ADGRB3: variants seen among roughly 807,000 people sequenced by gnomAD.
ADGRB3 encodes the protein adhesion G protein-coupled receptor B3.
A neutral mutation model predicts 193.4 loss-of-function variants in ADGRB3; 37 were observed. The ratio of observed to expected loss-of-function variants is 0.19; its 90% confidence interval spans 0.15 to 0.25. The LOEUF (loss-of-function observed/expected upper bound fraction) is 0.25, where lower values mean the gene tolerates loss of function less well. Among genes scored for constraint, ADGRB3 ranks in the 10% least tolerant of loss-of-function variants. ADGRB3 has a pLI of 1.00. For missense variants in ADGRB3, 1,637 were observed against 1,852.9 expected (o/e 0.88, Z 2.14); for synonymous variants, 690 against 644.2 (o/e 1.07, Z -1.08).
intron 20 of ADGRB3, among the ~76,000 whole-genome samples, chr6:69,268,084 C>T (rs2127277434): frequency 6.6e-6 from 1 of 152,198 alleles, no homozygotes; most frequent in Non-Finnish European, 1.5e-5. Context: ...TAGAAAAATT[C>T]AGCATGTATT....
At chr6:69,114,988 CT>C (rs994983249) in intron 17 of ADGRB3, among the ~76,000 whole-genome samples, 4 of 152,306 alleles carry the variant, frequency 2.6e-5, no homozygotes, top group African/African-American at 9.6e-5. Context: ...CGCTTTTACA[CT>C]GTTGGTGGGA....
intron 17 of ADGRB3, among the ~76,000 whole-genome samples, chr6:69,119,237 C>T (rs2150328881): frequency 6.6e-6 from 1 of 152,212 alleles, no homozygotes; most frequent in South Asian, 2.1e-4. Context: ...AGTTCATTAG[C>T]ATGGAATTTA....
chr6:69,330,383 C>G, intron 22 of ADGRB3, 123 bp from the exon 23 acceptor site: 2 of 543,380 alleles, frequency 3.7e-6, no homozygotes, highest in Non-Finnish European at 6.1e-6. Context: ...TTTTTTATTA[C>G]AAATGTTTAA....
intron 8 of ADGRB3, among the ~76,000 whole-genome samples, chr6:68,966,018 T>A (rs1258159516): frequency 6.6e-6 from 1 of 152,178 alleles, no homozygotes; most frequent in Non-Finnish European, 1.5e-5. Flanking sequence ...TGTGCCTAGA[T>A]ATGTCAAACT....
chr6:69,228,391 G>C (rs1423312321), intron 17 of ADGRB3, among the ~76,000 whole-genome samples: 2 of 152,176 alleles, frequency 1.3e-5, no homozygotes, highest in African/African-American at 4.8e-5. Flanking sequence ...GGCATGTAGA[G>C]TGTTAATTTT....
At chr6:69,303,163 G>A (rs917478981) in intron 20 of ADGRB3, among the ~76,000 whole-genome samples, 4 of 151,834 alleles carry the variant, frequency 2.6e-5, no homozygotes, top group South Asian at 2.1e-4. Flanking sequence ...AGAAAGTTTC[G>A]ATTATTCCAC....
intron 8 of ADGRB3, among the ~76,000 whole-genome samples, chr6:68,957,548 C>CACTATAT (rs1768108697): frequency 6.6e-6 from 1 of 152,144 alleles, no homozygotes; most frequent in Non-Finnish European, 1.5e-5. Context: ...TGCCAACGTG[C>CACTATAT]TGAACCTAGA....
In ADGRB3 at chr6:69,040,307, C is replaced by CCCTTTCTT. The variant is rs1554251201; in HGVS notation, c.2108-7878_2108-7877insCCTTTCTT. ...TTTTTGCCTTCCTTCCTTTCTCTGT[C>CCCTTTCTT]TCTTTCTTTCTTTCTTTCTTTCTTT... is the stretch of plus-strand genomic sequence containing the variant. On this transcript the variant is annotated intron_variant, in intron 13 of 31. Transcript: ENST00000370598. 2.1e-5 allele frequency among the ~76,000 whole-genome samples: 2 copies of CCCTTTCTT among 94,758 alleles called. 1 individual carries two copies. Among genetic ancestry groups the CCCTTTCTT allele is most frequent in the South Asian group, 7.8e-4 (2 of 2,576 alleles). The allele number at this position is 94,758 out of a possible 152,430, so 62.2% of individuals were successfully genotyped here.
chr6:68,834,995 C>T (rs985643463), intron 3 of ADGRB3, among the ~76,000 whole-genome samples: 10 of 151,824 alleles, frequency 6.6e-5, no homozygotes, highest in African/African-American at 2.4e-4. Flanking sequence ...CATTTAAAAA[C>T]TATAGAACGT....
chr6:69,280,598 TAATG>T (rs1382060684), intron 20 of ADGRB3, among the ~76,000 whole-genome samples: 1 of 152,198 alleles, frequency 6.6e-6, no homozygotes, highest in Non-Finnish European at 1.5e-5. Context: ...TTAAATGAGT[TAATG>T]TATGTGAAGC....
intron 17 of ADGRB3, among the ~76,000 whole-genome samples, chr6:69,154,058 A>G (rs1774761642): frequency 1.3e-5 from 2 of 152,164 alleles, no homozygotes; most frequent in Non-Finnish European, 2.9e-5. Flanking sequence ...AATGAGTTGA[A>G]ATGATGCAAT....
intron 17 of ADGRB3, among the ~76,000 whole-genome samples, chr6:69,212,103 G>A (rs981783365): frequency 5.3e-5 from 8 of 152,088 alleles, no homozygotes; most frequent in Admixed American, 4.6e-4. Context: ...TTCAGTATTA[G>A]CATAATGAAT....
At chr6:69,331,842 A>G (rs1768737439) in intron 23 of ADGRB3, 1 of 984,854 alleles carries the variant, frequency 1.0e-6, no homozygotes. Flanking sequence ...CATAGAATAC[A>G]CTTTTTCTCT....
intron 17 of ADGRB3, among the ~76,000 whole-genome samples, chr6:69,178,181 T>C (rs1165495076): frequency 6.6e-6 from 1 of 152,236 alleles, no homozygotes; most frequent in Non-Finnish European, 1.5e-5. Flanking sequence ...TATCATGATG[T>C]AATGCCCTTA....
intron 29 of ADGRB3, among the ~76,000 whole-genome samples, chr6:69,368,467 C>T (rs1416227283): frequency 6.6e-6 from 1 of 152,052 alleles, no homozygotes; most frequent in East Asian, 1.9e-4. Context: ...AAGGGTGACT[C>T]CTGAGTCTCT....
chr6:69,283,330 C>G (rs987357090), intron 20 of ADGRB3, among the ~76,000 whole-genome samples: 3 of 152,134 alleles, frequency 2.0e-5, no homozygotes, highest in Non-Finnish European at 4.4e-5. Context: ...GCAGCCCAGA[C>G]CTGGGGCCTG....
chr6:69,262,148 C>T (rs967310396), intron 20 of ADGRB3, among the ~76,000 whole-genome samples: 3 of 152,014 alleles, frequency 2.0e-5, no homozygotes, highest in African/African-American at 7.2e-5. Context: ...GGCTTTATAT[C>T]AAATTCTGGT....
chr6:69,062,480 T>G (rs993236145), intron 15 of ADGRB3, among the ~76,000 whole-genome samples: 7 of 151,952 alleles, frequency 4.6e-5, no homozygotes, highest in Non-Finnish European at 1.0e-4. Flanking sequence ...TTACTCCACA[T>G]TGCAATTATT....
intron 16 of ADGRB3, among the ~76,000 whole-genome samples, chr6:69,069,455 C>CATTAAAATT (rs1279259037): frequency 1.4e-5 from 2 of 140,422 alleles, no homozygotes; most frequent in Non-Finnish European, 3.0e-5. Context: ...TCTGAAGTAT[C>CATTAAAATT]ATTAAAATTA....
Sources: gnomAD v4.1 joint callset for allele counts (sites outside exome capture counted in the v4.1 genomes callset) on GRCh38, gnomAD v4.1.1 for gene constraint, MANE v1.5 for transcripts, NCBI Gene and HGNC (gene_info 2026-07-23, HGNC 2026-07-21) for gene names.